CSNK1G2: variants seen among roughly 807,000 people sequenced by gnomAD.
The protein encoded by CSNK1G2 is casein kinase 1 gamma 2.
Under a neutral mutation model 48.0 loss-of-function variants are expected in CSNK1G2, and 11 were observed. The observed-to-expected ratio is 0.23, with a 90% CI of 0.14 to 0.38. CSNK1G2 has a LOEUF of 0.38. CSNK1G2 is among the 10% of genes least tolerant of loss of function. CSNK1G2 has a pLI of 1.00. For missense variants in CSNK1G2, 446 were observed against 595.5 expected (o/e 0.75, Z 2.61); for synonymous variants, 337 against 254.1 (o/e 1.33, Z -3.10).
chr19:1,968,436 G>A lies in CSNK1G2; in HGVS notation c.-265-1072G>A, dbSNP rs561896489. 3.3e-5 allele frequency among the ~76,000 whole-genome samples: 5 copies of A among 152,296 alleles called. No homozygotes were observed. The South Asian group carries it at 1.0e-3, about 32-fold the overall frequency. ...CCTGCCTCCCGTCGGGGCCTGCGCTGAGACTGGGCTCCATGCCAGCCGGGG... is the reference window on the plus strand; with the variant it reads ...CCTGCCTCCCGTCGGGGCCTGCGCTAAGACTGGGCTCCATGCCAGCCGGGG... On this transcript the variant is annotated intron_variant, in intron 1 of 11. Coordinates refer to ENST00000255641, the MANE Select transcript of CSNK1G2 (RefSeq NM_001319.7).
rs1358188448 is a variant in CSNK1G2 at position 1,957,252 on chromosome 19, G to T, written c.-265-12256G>T. ...GAGGGATAGCCTACACGGAGAGCAG[G>T]CCAGTGGCCCTGTGCCCAGGAGGGT... On this transcript the variant is annotated intron_variant, in intron 1 of 11. Coordinates refer to ENST00000255641, the MANE Select transcript of CSNK1G2 (RefSeq NM_001319.7). The surrounding 1 kb of genome is among the most constrained non-coding windows in gnomAD (Gnocchi z 5.4). Among the ~76,000 whole-genome samples the T allele has an allele frequency of 6.6e-6, 1 of 152,240 alleles. No homozygotes were observed. The highest frequency in any genetic ancestry group is 2.4e-5 in the African/African-American group (1 of 41,462).
At chr19:1,963,181 T>C (rs549171082) in intron 1 of CSNK1G2, among the ~76,000 whole-genome samples, 179 of 152,084 alleles carry the variant, frequency 1.2e-3, no homozygotes, top group Non-Finnish European at 2.2e-3. Context: ...TTATTATAAA[T>C]TTTTCATGAA....
At chr19:1,973,726 C>T (rs1021141224) in intron 2 of CSNK1G2, among the ~76,000 whole-genome samples, 12 of 152,170 alleles carry the variant, frequency 7.9e-5, no homozygotes, top group South Asian at 2.1e-4. Flanking sequence ...TGGCATTTTT[C>T]GGTTTCGTCT....
At chr19:1,962,816 A>AC (rs1451916907) in intron 1 of CSNK1G2, among the ~76,000 whole-genome samples, 1 of 152,070 alleles carries the variant, frequency 6.6e-6, no homozygotes, top group East Asian at 1.9e-4. Flanking sequence ...CCGACCCAGC[A>AC]CGACCACTCC....
At chr19:1,948,554 A>AAG (rs5826751) in intron 1 of CSNK1G2, among the ~76,000 whole-genome samples, 1 of 142,296 alleles carries the variant, frequency 7.0e-6, no homozygotes, top group Non-Finnish European at 1.5e-5. Flanking sequence ...AAAAAAAAAA[A>AAG]GATCCCGTCA....
chr19:1,955,418 C>T (rs1162155431), intron 1 of CSNK1G2, among the ~76,000 whole-genome samples: 1 of 152,148 alleles, frequency 6.6e-6, no homozygotes, highest in Non-Finnish European at 1.5e-5. Context: ...AAGCAGTGCT[C>T]CCGTTTTCCA....
In CSNK1G2 at chr19:1,978,555, G is replaced by T. The variant is rs757423595; in HGVS notation, c.298+44G>T. On this transcript the variant is annotated intron_variant, in intron 4 of 11. Coordinates refer to ENST00000255641, the MANE Select transcript of CSNK1G2 (RefSeq NM_001319.7). This position sits in a 1 kb window ranked among gnomAD's most constrained non-coding sequence, Gnocchi z 7.3. ...GTGGGGCGGGGGCTGCGCAGGGGCA[G>T]GGAGGGGGCTGCCGCCGCACGCCCG... The T allele has an allele frequency of 1.5e-5, 24 of 1,570,212 alleles. No homozygotes were observed. The Admixed American group carries it at 4.3e-4, about 28-fold the overall frequency.
chr19:1,971,669 C>T (rs2015575278), intron 2 of CSNK1G2, among the ~76,000 whole-genome samples: 1 of 152,130 alleles, frequency 6.6e-6, no homozygotes, highest in Non-Finnish European at 1.5e-5. Flanking sequence ...TTTGGGAACC[C>T]AGATGGCTAT....
chr19:1,961,551 G>T (rs1480023961), intron 1 of CSNK1G2, among the ~76,000 whole-genome samples: 3 of 152,248 alleles, frequency 2.0e-5, no homozygotes, highest in African/African-American at 4.8e-5. Context: ...GGACAGTGGA[G>T]CCTGGGAGGG....
At chr19:1,976,535 G>A (rs574774453) in intron 2 of CSNK1G2, among the ~76,000 whole-genome samples, 3 of 152,340 alleles carry the variant, frequency 2.0e-5, no homozygotes, top group South Asian at 2.1e-4. Flanking sequence ...CGCCCAGGAC[G>A]GGGCACTAGC....
intron 1 of CSNK1G2, among the ~76,000 whole-genome samples, chr19:1,966,101 G>A (rs2015357963): frequency 6.6e-6 from 1 of 152,236 alleles, no homozygotes; most frequent in Admixed American, 6.5e-5. Context: ...AGCCGCCCAT[G>A]ACTCTCATTA....
At chr19:1,973,454 C>T (rs572176157) in intron 2 of CSNK1G2, among the ~76,000 whole-genome samples, 2 of 152,366 alleles carry the variant, frequency 1.3e-5, no homozygotes, top group African/African-American at 4.8e-5. Flanking sequence ...AGGTGATCTG[C>T]CCGCCTTGGC....
intron 1 of CSNK1G2, among the ~76,000 whole-genome samples, chr19:1,942,876 C>T (rs1393600594): frequency 6.6e-6 from 1 of 152,172 alleles, no homozygotes; most frequent in African/African-American, 2.4e-5. Flanking sequence ...CAAAACGAAA[C>T]GCTCTGGGCT....
chr19:1,972,189 A>G (rs77138939), intron 2 of CSNK1G2, among the ~76,000 whole-genome samples: 2,473 of 152,326 alleles, frequency 0.016, 62 homozygotes, highest in African/African-American at 0.055. Context: ...GAGGCCGTCC[A>G]TCGGAGGACA....
rs539822033 is a variant in CSNK1G2 at position 1,975,639 on chromosome 19, G to A, written c.188-2666G>A. Reference sequence around the variant, plus strand: ...GTGAATCCCACCTCCGAAGGGCAGCGCAGGAAGGACACGCAAATGCTGGAC... The same window carrying A: ...GTGAATCCCACCTCCGAAGGGCAGCACAGGAAGGACACGCAAATGCTGGAC... On this transcript the variant is annotated intron_variant, in intron 2 of 11. Transcript: ENST00000255641. 31 of 985,230 alleles carry A rather than the reference G, an allele frequency of 3.1e-5. No homozygotes were observed. In the South Asian group the frequency reaches 7.5e-4, roughly 24 times the overall value. The allele number at this position is 985,230 out of a possible 1,614,324, so 61.0% of individuals were successfully genotyped here. A position where few individuals can be genotyped will look rare whatever the true frequency, so the allele number is the denominator to read the frequency against.
chr19:1,943,245 G>A (rs2014434033), intron 1 of CSNK1G2, among the ~76,000 whole-genome samples: 1 of 152,284 alleles, frequency 6.6e-6, no homozygotes, highest in South Asian at 2.1e-4. Context: ...TGCCTGCTGT[G>A]CCTTCGGACT....
At chr19:1,964,309 A>C (rs866761644) in intron 1 of CSNK1G2, among the ~76,000 whole-genome samples, 64 of 151,206 alleles carry the variant, frequency 4.2e-4, no homozygotes, top group African/African-American at 1.5e-3. Context: ...AAAACAAAAA[A>C]AAACCAGGTT....
At chr19:1,970,769 G>C (rs1448213065) in intron 2 of CSNK1G2, among the ~76,000 whole-genome samples, 1 of 152,230 alleles carries the variant, frequency 6.6e-6, no homozygotes, top group African/African-American at 2.4e-5. Context: ...GGGAACCCAG[G>C]TGCACCCCCA....
At chr19:1,952,841 C>A in intron 1 of CSNK1G2, 1 of 362,526 alleles carries the variant, frequency 2.8e-6, no homozygotes. Context: ...AGGCCGAACC[C>A]TGCTGTGCCC....
Sources: allele counts gnomAD v4.1 joint callset (sites outside exome capture counted in the v4.1 genomes callset), GRCh38; gene constraint gnomAD v4.1.1; non-coding constraint Gnocchi (gnomAD v3.1); transcripts MANE v1.5; gene names NCBI Gene and HGNC (gene_info 2026-07-23, HGNC 2026-07-21).